Variants in NFIA observed in about 807,000 individuals in gnomAD.
NFIA encodes the protein nuclear factor I A.
NFIA carries 8 observed loss-of-function variants against 62.8 expected under a neutral mutation model. The ratio of observed to expected loss-of-function variants is 0.13; its 90% confidence interval spans 0.07 to 0.23. The LOEUF is 0.23. Ranked by LOEUF, NFIA falls within the 10% of genes least tolerant of loss-of-function variation. The probability of loss-of-function intolerance (pLI) is 1.00; values close to 1 mark genes in which losing one functional copy is unlikely to be tolerated. For missense variants in NFIA, 410 were observed against 642.1 expected, an observed-to-expected ratio of 0.64 and a Z score of 3.91; for synonymous variants, 235 against 238.1, an observed-to-expected ratio of 0.99 and a Z score of 0.12.
At chr1:61,086,280 G>A (rs911412095) in intron 1 of NFIA, among the ~76,000 whole-genome samples, 1 of 152,088 alleles carries the variant, frequency 6.6e-6, no homozygotes, top group African/African-American at 2.4e-5. Context: ...ATGTATTTTA[G>A]ATCATTTCAA....
intron 7 of NFIA, among the ~76,000 whole-genome samples, chr1:61,401,098 A>T (rs2100516144): frequency 6.6e-6 from 1 of 152,304 alleles, no homozygotes; most frequent in South Asian, 2.1e-4. Context: ...CAGGATCTCG[A>T]ATGATTTCTC....
At chr1:61,265,046 T>A (rs1054435708) in intron 2 of NFIA, among the ~76,000 whole-genome samples, 2 of 152,210 alleles carry the variant, frequency 1.3e-5, no homozygotes, top group East Asian at 3.8e-4. Context: ...TGTTTTTTCC[T>A]TGTTATATAG....
At chr1:61,419,282 A>G (rs1266571905) in intron 9 of NFIA, among the ~76,000 whole-genome samples, 2 of 152,088 alleles carry the variant, frequency 1.3e-5, no homozygotes, top group Admixed American at 6.6e-5. Flanking sequence ...TACTTCTACA[A>G]AAAATAAAAG....
chr1:61,320,515 A>G (rs989888429), intron 3 of NFIA, among the ~76,000 whole-genome samples: 4 of 152,210 alleles, frequency 2.6e-5, no homozygotes, highest in African/African-American at 7.2e-5. Flanking sequence ...GACGTATATA[A>G]TAGTACATTT....
chr1:61,352,581 C>G lies in NFIA; in HGVS notation c.818+14C>G. The G allele has an allele frequency of 6.3e-7, 1 of 1,582,200 alleles. No individual in the cohort carries two copies. Among genetic ancestry groups the G allele is most frequent in the South Asian group, 1.1e-5 (1 of 90,348 alleles). The stretch of plus-strand genomic sequence containing the variant: ...ATCCTCTACGAGGTAATTTTATTGG[C>G]AGCTCTTGAAGAAATTATGCTACAT... On this transcript the variant is annotated intron_variant, in intron 5 of 10. Transcript: ENST00000403491.
intron 6 of NFIA, among the ~76,000 whole-genome samples, chr1:61,371,769 A>G (rs1663898075): frequency 6.6e-6 from 1 of 152,184 alleles, no homozygotes; most frequent in Non-Finnish European, 1.5e-5. Flanking sequence ...ACAAAGACAG[A>G]GAGGAACCTA....
At chr1:61,268,070 T>TAGAA (rs1459884097) in intron 2 of NFIA, among the ~76,000 whole-genome samples, 1 of 152,218 alleles carries the variant, frequency 6.6e-6, no homozygotes, top group Non-Finnish European at 1.5e-5. Flanking sequence ...CAGACTTGTC[T>TAGAA]AGAATCTCTA....
chr1:61,439,167 C>T (rs1667466854), intron 10 of NFIA, among the ~76,000 whole-genome samples: 1 of 152,070 alleles, frequency 6.6e-6, no homozygotes, highest in African/African-American at 2.4e-5. Context: ...CCCCCAAGCC[C>T]CCACACTCTC....
At chr1:61,106,212 C>T (rs1002049005) in intron 2 of NFIA, among the ~76,000 whole-genome samples, 9 of 151,594 alleles carry the variant, frequency 5.9e-5, no homozygotes, top group South Asian at 2.1e-4. Context: ...ATATATATTA[C>T]AGCACAGCTA....
At chr1:61,382,350 C>A (rs1664463776) in intron 6 of NFIA, among the ~76,000 whole-genome samples, 1 of 151,980 alleles carries the variant, frequency 6.6e-6, no homozygotes, top group African/African-American at 2.4e-5. Context: ...ACTTTAGACA[C>A]AATAATAAAA....
At chr1:61,423,581 T>C (rs1239745592) in intron 9 of NFIA, among the ~76,000 whole-genome samples, 2 of 152,230 alleles carry the variant, frequency 1.3e-5, no homozygotes, top group Non-Finnish European at 2.9e-5. Context: ...TACACAGTTG[T>C]ATGTAATTAA....
intron 10 of NFIA, among the ~76,000 whole-genome samples, chr1:61,440,357 G>A (rs1171888407): frequency 6.6e-6 from 1 of 152,172 alleles, no homozygotes; most frequent in Non-Finnish European, 1.5e-5. Flanking sequence ...TTACTCTGCT[G>A]TTCTGTAATG....
intron 7 of NFIA, among the ~76,000 whole-genome samples, chr1:61,396,347 G>A: frequency 6.6e-6 from 1 of 152,060 alleles, no homozygotes; most frequent in East Asian, 1.9e-4. Context: ...CTGGGATTAA[G>A]CAATCCTCCC....
At chr1:61,382,371 T>A (rs1018840028) in intron 6 of NFIA, among the ~76,000 whole-genome samples, 1 of 152,186 alleles carries the variant, frequency 6.6e-6, no homozygotes, top group African/African-American at 2.4e-5. Flanking sequence ...GTACTATTTT[T>A]AAAAACAAGC....
chr1:61,114,489 A>G (rs1646763534), intron 2 of NFIA, among the ~76,000 whole-genome samples: 1 of 152,210 alleles, frequency 6.6e-6, no homozygotes, highest in African/African-American at 2.4e-5. Context: ...ATCCTTTCTC[A>G]AAACATAAAG....
chr1:61,166,127 T>C (rs1423658005), intron 2 of NFIA, among the ~76,000 whole-genome samples: 1 of 152,176 alleles, frequency 6.6e-6, no homozygotes, highest in Admixed American at 6.5e-5. Context: ...ATTATAATTA[T>C]TGCTTTGTTT....
At chr1:61,377,072 A>C (rs144208759) in intron 6 of NFIA, among the ~76,000 whole-genome samples, 2,763 of 151,918 alleles carry the variant, frequency 0.018, 76 homozygotes, top group African/African-American at 0.064. Context: ...AAAATACAAA[A>C]ATTAGCCGGG....
Position 61,359,253 on chromosome 1 carries a change from G to A in NFIA, c.925G>A (p.Gly309Arg), listed in dbSNP as rs1255356768. 1 of 1,612,388 alleles carries A rather than the reference G, an allele frequency of 6.2e-7. No individual in the cohort carries two copies. The highest frequency in any genetic ancestry group is 1.3e-5 in the African/African-American group (1 of 74,870). ...RSPGSGSQSS[G>R]WHEVEPGMPS... Reference sequence around the variant, plus strand: ...CCCAGGAAGTGGCAGTCAGTCAAGTGGATGGCATGAAGTGGAGCCAGGTAA... The same window carrying A: ...CCCAGGAAGTGGCAGTCAGTCAAGTAGATGGCATGAAGTGGAGCCAGGTAA... The change falls in exon 6 of 11, where the codon GGA becomes AGA. Residue 309 changes from glycine (G) to arginine (R), a missense_variant. This residue lies in a region of NFIA where 298 missense variants were observed against 438.1 expected (regional missense o/e 0.68). Transcript: ENST00000403491.
At chr1:61,195,262 C>G (rs894917475) in intron 2 of NFIA, among the ~76,000 whole-genome samples, 2 of 152,128 alleles carry the variant, frequency 1.3e-5, no homozygotes, top group South Asian at 2.1e-4. Context: ...GTCAAAACTG[C>G]TGTGATGACA....
Sources: gnomAD v4.1 joint callset for allele counts (sites outside exome capture counted in the v4.1 genomes callset) on GRCh38, gnomAD v4.1.1 for gene constraint, gnomAD v4.1.1 regional missense constraint, MANE v1.5 for transcripts, NCBI Gene and HGNC (gene_info 2026-07-23, HGNC 2026-07-21) for gene names.